The following SNX29 variants were observed in gnomAD, a reference collection of about 807,000 sequenced individuals.
SNX29 encodes sorting nexin 29, also known as sorting nexin-29.
A neutral mutation model predicts 102.1 loss-of-function variants in SNX29; 78 were observed. The observed-to-expected ratio is 0.76, with a 90% CI of 0.64 to 0.92. The LOEUF is 0.92. SNX29 is among the 40% of genes least tolerant of loss of function. SNX29 has a pLI of 0.00. For synonymous variants in SNX29, 580 were observed against 414.5 expected (o/e 1.40, Z -4.85); for missense variants, 1,280 against 1,061.7 (o/e 1.21, Z -2.86).
Position 12,284,721 on chromosome 16 carries a change from CT to C in SNX29, c.1782+6697del, listed in dbSNP as rs879835967. On this transcript the variant is annotated intron_variant, in intron 15 of 20. Coordinates refer to ENST00000566228, the MANE Select transcript of SNX29 (RefSeq NM_032167.5). The stretch of plus-strand genomic sequence containing the variant: ...GCCAGAACTGCTTTGGTTTCGGTTC[CT>C]TTTTTTTTTTTCTTTTTTTTGAGAC... Among the ~76,000 whole-genome samples the C allele has an allele frequency of 8.5e-3, 1,226 of 145,038 alleles. 16 individuals are homozygous for C. The highest frequency in any genetic ancestry group is 0.028 in the African/African-American group (1,113 of 39,838).
At chr16:12,122,486 C>G (rs934566530) in intron 11 of SNX29, among the ~76,000 whole-genome samples, 2 of 152,168 alleles carry the variant, frequency 1.3e-5, no homozygotes, top group East Asian at 1.9e-4. Context: ...AAGGCGCTCC[C>G]CAAGCAGAAG....
chr16:12,442,527 C>G (rs2085853126), intron 18 of SNX29, among the ~76,000 whole-genome samples: 1 of 151,814 alleles, frequency 6.6e-6, no homozygotes. Context: ...CAACTCTGTT[C>G]TTACAGAGTC....
At chr16:12,414,073 A>G (rs1274217425) in intron 18 of SNX29, among the ~76,000 whole-genome samples, 2 of 152,248 alleles carry the variant, frequency 1.3e-5, no homozygotes, top group Admixed American at 1.3e-4. Context: ...TATTTGTTAC[A>G]TGGTATTGCT....
chr16:12,522,294 T>A (rs2090130762), intron 19 of SNX29, among the ~76,000 whole-genome samples: 1 of 152,196 alleles, frequency 6.6e-6, no homozygotes. Context: ...CTGGGTGCCG[T>A]GTATTCTCAT....
intron 14 of SNX29, among the ~76,000 whole-genome samples, chr16:12,273,242 A>G (rs899650197): frequency 2.0e-5 from 3 of 151,320 alleles, no homozygotes; most frequent in African/African-American, 7.3e-5. Context: ...ACACTCTCCA[A>G]CTCACTTTTT....
intron 15 of SNX29, among the ~76,000 whole-genome samples, chr16:12,343,897 T>C (rs1284707265): frequency 1.3e-5 from 2 of 152,220 alleles, no homozygotes; most frequent in South Asian, 2.1e-4. Flanking sequence ...ACCTCTTCTG[T>C]GGTTTAGCTG....
intron 16 of SNX29, 81 bp downstream of exon 16, chr16:12,356,360 C>T: frequency 7.5e-7 from 1 of 1,331,320 alleles, no homozygotes; most frequent in Non-Finnish European, 1.0e-6. Context: ...ACTCACAGAG[C>T]AAGCAACCAT....
chr16:12,008,387 G>C (rs951442451), intron 3 of SNX29, among the ~76,000 whole-genome samples: 4 of 151,580 alleles, frequency 2.6e-5, no homozygotes, highest in African/African-American at 9.7e-5. Context: ...CTCTTGCCTC[G>C]GCCTTCCAGG....
chr16:12,445,099 C>T (rs1209210789), intron 18 of SNX29, among the ~76,000 whole-genome samples: 2 of 152,106 alleles, frequency 1.3e-5, no homozygotes, highest in African/African-American at 4.8e-5. Flanking sequence ...GATCTACCCA[C>T]CTCGGCCTCT....
intron 8 of SNX29, among the ~76,000 whole-genome samples, chr16:12,054,303 G>T (rs1230824820): frequency 1.3e-5 from 2 of 152,188 alleles, no homozygotes; most frequent in Non-Finnish European, 2.9e-5. Flanking sequence ...ACTTAATTAT[G>T]AATATTGATT....
In SNX29 at chr16:12,571,895, C is replaced by T. The variant is rs546771144; in HGVS notation, c.*3266C>T. On this transcript the variant is annotated 3_prime_UTR_variant, in exon 21 of 21. Coordinates refer to ENST00000566228, the MANE Select transcript of SNX29 (RefSeq NM_032167.5). ...AGAGTTTGGAGCTGAGGTTCAAAGC[C>T]CCCTGCATTTCTCTACTGGCAGGCC... 5.6e-5 allele frequency: 59 copies of T among 1,062,032 alleles called. No homozygotes were observed. Among genetic ancestry groups the T allele is most frequent in the African/African-American group, 6.6e-5 (4 of 60,992 alleles). 65.8% of individuals were successfully genotyped at this position (1,062,032 alleles called of 1,614,324 possible).
chr16:12,023,949 T>C (rs2057109882), intron 3 of SNX29, among the ~76,000 whole-genome samples: 2 of 152,186 alleles, frequency 1.3e-5, no homozygotes, highest in Admixed American at 6.5e-5. Context: ...GGAGAGACCA[T>C]GTCGGTCACA....
chr16:12,324,491 C>T (rs952478093), intron 15 of SNX29, among the ~76,000 whole-genome samples: 1 of 151,948 alleles, frequency 6.6e-6, no homozygotes, highest in African/African-American at 2.4e-5. Flanking sequence ...CCAGGCTGTT[C>T]TCAAATTCCT....
chr16:12,461,747 G>T (rs548941627), intron 18 of SNX29, among the ~76,000 whole-genome samples: 1 of 151,074 alleles, frequency 6.6e-6, no homozygotes, highest in Non-Finnish European at 1.5e-5. Flanking sequence ...ACTTGAGGTC[G>T]GAAGTTCAAG....
chr16:12,404,318 A>G (rs4780428), intron 18 of SNX29, among the ~76,000 whole-genome samples: 83,633 of 151,890 alleles, frequency 0.55, 23,692 homozygotes, highest in Non-Finnish European at 0.62. Context: ...ATTTTACCCA[A>G]TCAAGGGGAC....
intron 18 of SNX29, among the ~76,000 whole-genome samples, chr16:12,405,962 G>T (rs2084143284): frequency 1.3e-5 from 2 of 152,012 alleles, no homozygotes; most frequent in South Asian, 4.1e-4. Context: ...AACCCAGGAG[G>T]CAGAGATTGC....
intron 15 of SNX29, among the ~76,000 whole-genome samples, chr16:12,295,052 G>A (rs2079933026): frequency 6.6e-6 from 1 of 152,176 alleles, no homozygotes; most frequent in Admixed American, 6.5e-5. Flanking sequence ...CACATCTCGT[G>A]AGACTTATTC....
intron 13 of SNX29, among the ~76,000 whole-genome samples, chr16:12,147,410 G>A (rs1220405638): frequency 1.3e-5 from 2 of 152,294 alleles, no homozygotes; most frequent in Admixed American, 6.5e-5. Context: ...ATTATTCACC[G>A]GGGAGGGAAA....
chr16:12,182,129 T>C (rs894754062), intron 13 of SNX29, among the ~76,000 whole-genome samples: 1 of 151,500 alleles, frequency 6.6e-6, no homozygotes, highest in Non-Finnish European at 1.5e-5. Flanking sequence ...TCAGGTGACC[T>C]ACCTGTTTCG....
Sources: allele counts gnomAD v4.1 joint callset (sites outside exome capture counted in the v4.1 genomes callset), GRCh38; gene constraint gnomAD v4.1.1; transcripts MANE v1.5; gene names NCBI Gene and HGNC (gene_info 2026-07-23, HGNC 2026-07-21).